TMEM185A: variants seen among roughly 807,000 people sequenced by gnomAD.
TMEM185A encodes family with sequence similarity 11, member A.
TMEM185A carries 9 observed loss-of-function variants against 25.0 expected under a neutral mutation model. The ratio of observed to expected loss-of-function variants is 0.36; its 90% CI spans 0.22 to 0.63. The LOEUF (loss-of-function observed/expected upper bound fraction) is 0.63, where lower values mean the gene tolerates loss of function less well. Ranked by LOEUF, TMEM185A falls within the 20% of genes least tolerant of loss-of-function variation. The probability of loss-of-function intolerance (pLI) is 0.68; values close to 1 mark genes in which losing one functional copy is unlikely to be tolerated. For synonymous variants in TMEM185A, 45 were observed against 93.5 expected (o/e 0.48, Z 2.99); for missense variants, 103 against 237.4 (o/e 0.43, Z 3.72).
chrX:149,631,709 C>G lies in TMEM185A; in HGVS notation c.-129G>C, dbSNP rs2090194507. ...ACGCTGCTGCTCCCGCTACTGCTGCCGTCCCCGCTGCCGTCGCCGTCGCCG... is the reference window on the plus strand; with the variant it reads ...ACGCTGCTGCTCCCGCTACTGCTGCGGTCCCCGCTGCCGTCGCCGTCGCCG... On this transcript the variant is annotated 5_prime_UTR_variant, in exon 1 of 7. Transcript: ENST00000600449. 2 of 681,112 alleles carry G rather than the reference C, an allele frequency of 2.9e-6. No individual in the cohort carries two copies. The highest frequency in any genetic ancestry group is 2.3e-5 in the African/African-American group (1 of 43,983). 56.1% of individuals were successfully genotyped at this position (681,112 alleles called of 1,213,427 possible).
chrX:149,606,837 C>G (rs1167287366), intron 3 of TMEM185A: 11 of 112,603 alleles, frequency 9.8e-5, no homozygotes. Context: ...GAAAGACTTA[C>G]TTTCTGTAAT....
At chrX:149,610,547 A>G (rs1557354368) in intron 2 of TMEM185A, among the ~76,000 whole-genome samples, 1 of 109,085 alleles carries the variant, frequency 9.2e-6, no homozygotes, top group African/African-American at 3.3e-5. Flanking sequence ...GTGGAGGTTC[A>G]TAATAGCCTC....
Position 149,631,525 on chromosome X carries a change from C to A in TMEM185A, c.38+18G>T. On this transcript the variant is annotated intron_variant, in intron 1 of 6. Transcript: ENST00000600449. Reference sequence around the variant, plus strand: ...CCCGCAGCGCGGACTCCCGGGGGCGCCAACGACGCCGCCTCACCTCGGGTT... The same window carrying A: ...CCCGCAGCGCGGACTCCCGGGGGCGACAACGACGCCGCCTCACCTCGGGTT... 2 of 1,160,978 alleles carry A rather than the reference C, an allele frequency of 1.7e-6. No individual in the cohort carries two copies. Among genetic ancestry groups the A allele is most frequent in the East Asian group, 3.3e-5 (1 of 30,105 alleles).
chrX:149,630,096 C>T (rs1390788517), intron 1 of TMEM185A, among the ~76,000 whole-genome samples: 6 of 111,773 alleles, frequency 5.4e-5, no homozygotes, highest in African/African-American at 2.0e-4. Flanking sequence ...CCAATCTTAA[C>T]CCCCTGATGC....
At chrX:149,631,148 G>T (rs782686319) in intron 1 of TMEM185A, among the ~76,000 whole-genome samples, 1 of 110,520 alleles carries the variant, frequency 9.0e-6, no homozygotes, top group Non-Finnish European at 1.9e-5. Context: ...GGGGGTAGGG[G>T]TGTTGGGTCG....
intron 1 of TMEM185A, among the ~76,000 whole-genome samples, chrX:149,625,599 G>A (rs1557355938): frequency 8.9e-6 from 1 of 112,244 alleles, no homozygotes; most frequent in Non-Finnish European, 1.9e-5. Flanking sequence ...TTTTCACTGA[G>A]GGTGGATTCA....
chrX:149,619,601 A>G (rs1334545075), intron 1 of TMEM185A, among the ~76,000 whole-genome samples: 1 of 109,342 alleles, frequency 9.1e-6, no homozygotes, highest in African/African-American at 3.4e-5. Flanking sequence ...TGCTGCACCC[A>G]TTAACTCGTC....
chrX:149,614,966 G>A (rs2090102858), intron 1 of TMEM185A, among the ~76,000 whole-genome samples: 1 of 111,912 alleles, frequency 8.9e-6, no homozygotes, highest in East Asian at 2.8e-4. Context: ...GATGAGGGGG[G>A]AACATTTCCC....
At chrX:149,630,341 C>T (rs1450450312) in intron 1 of TMEM185A, among the ~76,000 whole-genome samples, 1 of 108,582 alleles carries the variant, frequency 9.2e-6, no homozygotes, top group Non-Finnish European at 1.9e-5. Flanking sequence ...TCATCCTCAA[C>T]AAGCAGCCAA....
intron 1 of TMEM185A, among the ~76,000 whole-genome samples, chrX:149,623,464 T>C (rs782232008): frequency 3.6e-5 from 4 of 111,728 alleles, no homozygotes; most frequent in Admixed American, 2.9e-4. Context: ...ATAAAAACAC[T>C]GACAAAAAAT....
chrX:149,608,010 G>A (rs1345808127), intron 3 of TMEM185A, among the ~76,000 whole-genome samples: 1 of 111,902 alleles, frequency 8.9e-6, no homozygotes, highest in Non-Finnish European at 1.9e-5. Context: ...TCTCCAGCCT[G>A]TTCACCTGCC....
intron 3 of TMEM185A, chrX:149,605,096 A>C (rs1410489468): frequency 1.8e-5 from 2 of 112,448 alleles, no homozygotes; most frequent in African/African-American, 6.5e-5. Flanking sequence ...CTTGGTCTGC[A>C]TTATTACCTC....
chrX:149,612,551 A>G (rs968252039), intron 1 of TMEM185A, among the ~76,000 whole-genome samples: 11 of 112,706 alleles, frequency 9.8e-5, no homozygotes, highest in Non-Finnish European at 1.9e-4. Context: ...TGACTATATT[A>G]ATATCTGTTT....
intron 3 of TMEM185A, among the ~76,000 whole-genome samples, chrX:149,608,006 G>T (rs1557353796): frequency 8.9e-6 from 1 of 111,969 alleles, no homozygotes; most frequent in African/African-American, 3.3e-5. Flanking sequence ...TAGGTCTCCA[G>T]CCTGTTCACC....
intron 1 of TMEM185A, 25 bp downstream of exon 1, chrX:149,631,517 CG>C: frequency 4.3e-6 from 5 of 1,157,210 alleles, no homozygotes; most frequent in East Asian, 6.7e-5. Context: ...CGCGGACTCC[CG>C]GGGGCGCCAA....
intron 1 of TMEM185A, among the ~76,000 whole-genome samples, chrX:149,624,197 T>C (rs1267790181): frequency 8.9e-6 from 1 of 112,123 alleles, no homozygotes; most frequent in Non-Finnish European, 1.9e-5. Context: ...ATGGATTTAT[T>C]CCACTCTCAT....
At chrX:149,615,213 G>C (rs1557354925) in intron 1 of TMEM185A, among the ~76,000 whole-genome samples, 2 of 112,125 alleles carry the variant, frequency 1.8e-5, no homozygotes. Context: ...GTATTAGCAG[G>C]CTGAAAAAGA....
At chrX:149,614,438 T>A (rs1461612689) in intron 1 of TMEM185A, among the ~76,000 whole-genome samples, 1 of 111,723 alleles carries the variant, frequency 9.0e-6, no homozygotes, top group Non-Finnish European at 1.9e-5. Flanking sequence ...AATTTTAGCA[T>A]CAAATACTTA....
At chrX:149,604,381 C>A (rs1467978520) in intron 3 of TMEM185A, among the ~76,000 whole-genome samples, 1 of 111,617 alleles carries the variant, frequency 9.0e-6, no homozygotes, top group African/African-American at 3.3e-5. Context: ...GACCACTAAA[C>A]TTCCTTCATG....
Sources: allele counts gnomAD v4.1 joint callset (sites outside exome capture counted in the v4.1 genomes callset), GRCh38; gene constraint gnomAD v4.1.1; transcripts MANE v1.5; gene names NCBI Gene and HGNC (gene_info 2026-07-23, HGNC 2026-07-21).